The following BEST3 variants were observed in gnomAD, a reference collection of about 807,000 sequenced individuals.
BEST3 encodes bestrophin-3.
In BEST3, 50 loss-of-function variants were observed where a neutral mutation model predicts 47.1. That is an observed-to-expected ratio of 1.06 (90% confidence interval 0.85 to 1.34). The LOEUF is 1.34. Among genes scored for constraint, BEST3 ranks in the 40% most tolerant of loss-of-function variants. The pLI is 0.00. For missense variants in BEST3, 765 were observed against 817.0 expected (o/e 0.94, Z 0.78); for synonymous variants, 282 against 298.8 (o/e 0.94, Z 0.58).
intron 9 of BEST3, among the ~76,000 whole-genome samples, chr12:69,644,621 G>A (rs565826231): frequency 3.2e-4 from 49 of 152,266 alleles, no homozygotes; most frequent in African/African-American, 1.1e-3. Flanking sequence ...TATTAAATTT[G>A]TGAAGGGATT....
chr12:69,654,219 G>C lies in BEST3; in HGVS notation c.*688C>G, dbSNP rs1389089472. 2.0e-6 allele frequency: 2 copies of C among 984,924 alleles called. No homozygotes were observed. The highest frequency in any genetic ancestry group is 2.4e-6 in the Non-Finnish European group (2 of 829,696). 61.0% of individuals were successfully genotyped at this position (984,924 alleles called of 1,614,324 possible). ...GAGGAAATATTATAACCTGAAAAAT[G>C]GGACAGATTACTAGAAAAGCAGCAC... On this transcript the variant is annotated 3_prime_UTR_variant, in exon 10 of 10. Coordinates refer to ENST00000330891, the MANE Select transcript of BEST3 (RefSeq NM_032735.3).
intron 9 of BEST3, among the ~76,000 whole-genome samples, chr12:69,663,744 C>G (rs935593937): frequency 6.6e-6 from 1 of 152,098 alleles, no homozygotes; most frequent in Admixed American, 6.6e-5. Flanking sequence ...TCGCTTGAGC[C>G]TAGGAGTTCG....
intron 9 of BEST3, among the ~76,000 whole-genome samples, chr12:69,646,668 C>T (rs1883046802): frequency 2.0e-5 from 3 of 152,198 alleles, no homozygotes; most frequent in South Asian, 2.1e-4. Context: ...GGGCACATAG[C>T]CTCTGCATCA....
Position 69,655,440 on chromosome 12 carries a change from T to C in BEST3, c.1474A>G (p.Thr492Ala). ...ACCAGTGGCATTTTGATGGGGGAAG[T>C]TCTCACACTGGACTGTGGGGTCAGG... is the stretch of plus-strand genomic sequence containing the variant. The part of the protein sequence containing the change: ...QSLTPQSSVR[T>A]SPIKMPLVPE... Residue 492 changes from threonine (T) to alanine (A), a missense_variant, in exon 10 of 10, where the codon ACT becomes GCT. Coordinates refer to ENST00000330891, the MANE Select transcript of BEST3 (RefSeq NM_032735.3). The C allele has an allele frequency of 6.2e-7, 1 of 1,614,126 alleles. No individual in the cohort carries two copies. Among genetic ancestry groups the C allele is most frequent in the East Asian group, 2.2e-5 (1 of 44,876 alleles).
chr12:69,697,190 G>A (rs890222148), intron 2 of BEST3, among the ~76,000 whole-genome samples: 1 of 152,140 alleles, frequency 6.6e-6, no homozygotes, highest in Middle Eastern at 3.2e-3. Context: ...TTTCATTCCA[G>A]GCCAAAAGAA....
chr12:69,686,464 C>A (rs930793436), intron 4 of BEST3, among the ~76,000 whole-genome samples: 3 of 151,896 alleles, frequency 2.0e-5, no homozygotes, highest in Non-Finnish European at 2.9e-5. Context: ...GAAAACAGGA[C>A]CTTCAACAGA....
rs1180752358 is a variant in BEST3, at chr12:69,699,221, T to C, written c.-32A>G. The C allele has an allele frequency of 2.0e-6, 2 of 985,314 alleles. No individual in the cohort carries two copies. Among genetic ancestry groups the C allele is most frequent in the Non-Finnish European group, 1.2e-6 (1 of 829,912 alleles). The allele number at this position is 985,314 out of a possible 1,614,324, so 61.0% of individuals were successfully genotyped here. ...GGCACTAACCTATTTATTTGGTTTGTAGTCTCCGACAGGAAAGAGAATCTT... is the reference window on the plus strand; with the variant it reads ...GGCACTAACCTATTTATTTGGTTTGCAGTCTCCGACAGGAAAGAGAATCTT... On this transcript the variant is annotated 5_prime_UTR_variant, in exon 1 of 10. Transcript: ENST00000330891.
chr12:69,686,786 A>AAAAAAAAGAAAGAAAGAAAAGAAAAAAAG (rs371159662), intron 4 of BEST3, among the ~76,000 whole-genome samples: 1 of 143,282 alleles, frequency 7.0e-6, no homozygotes, highest in African/African-American at 2.6e-5. Context: ...AAACAAAAAA[A>AAAAAAAAGAAAGAAAGAAAAGAAAAAAAG]AAAGAAAGAA....
At position 69,654,789 on chromosome 12, in the gene BEST3, C is replaced by T. The variant is rs1280260700; in HGVS notation, c.*118G>A. On this transcript the variant is annotated 3_prime_UTR_variant, in exon 10 of 10. Transcript: ENST00000330891. ...CCTTCAAAGTTCTAAGTAGCTTATA[C>T]AGTGTGATCATGTTTTTTAAAAAGT... 1.9e-5 allele frequency: 28 copies of T among 1,458,720 alleles called. No homozygotes were observed. Among genetic ancestry groups the T allele is most frequent in the Non-Finnish European group, 2.4e-5 (26 of 1,104,764 alleles). The allele number at this position is 1,458,720 out of a possible 1,614,324, so 90.4% of individuals were successfully genotyped here. A position where few individuals can be genotyped will look rare whatever the true frequency, so the allele number is the denominator to read the frequency against.
intron 9 of BEST3, chr12:69,669,704 A>G (rs550214782): frequency 1.2e-4 from 19 of 152,312 alleles, no homozygotes; most frequent in African/African-American, 3.4e-4. Context: ...AATCTTCCCA[A>G]TGATCTTTTG....
chr12:69,666,832 C>T (rs1884253181), intron 9 of BEST3, among the ~76,000 whole-genome samples: 2 of 152,186 alleles, frequency 1.3e-5, no homozygotes, highest in Non-Finnish European at 2.9e-5. Flanking sequence ...CCCTTACACT[C>T]TCTCATCTTT....
chr12:69,681,938 G>A (rs111233078), intron 4 of BEST3, among the ~76,000 whole-genome samples: 60,951 of 151,680 alleles, frequency 0.4, 12,361 homozygotes, highest in South Asian at 0.54. Flanking sequence ...AAAATTAGCC[G>A]GGTGTAGTGG....
At chr12:69,668,440 T>C (rs1884361946) in intron 9 of BEST3, among the ~76,000 whole-genome samples, 1 of 152,202 alleles carries the variant, frequency 6.6e-6, no homozygotes, top group African/African-American at 2.4e-5. Flanking sequence ...AAGAGCTCAT[T>C]GGCTCAGTCA....
chr12:69,697,674 AG>A lies in BEST3; in HGVS notation c.124del (p.Leu42PhefsTer5), dbSNP rs767507891. The A allele has an allele frequency of 2.5e-6, 4 of 1,607,252 alleles. No homozygotes were observed. The highest frequency in any genetic ancestry group is 3.4e-4 in the Middle Eastern group (2 of 5,824). ...LYREFIVFAV[L>X]YTAISLVYRL... ...GTATACCAAACTTATTGCTGTATAA[AG>A]AACAGCAAAAACAATAAATTCCCTG... On this transcript the variant is annotated frameshift_variant, in exon 2 of 10. Transcript: ENST00000330891. LOFTEE classifies it high-confidence loss of function.
intron 9 of BEST3, among the ~76,000 whole-genome samples, chr12:69,645,892 AG>A (rs1414121094): frequency 2.6e-5 from 4 of 152,022 alleles, no homozygotes; most frequent in Non-Finnish European, 5.9e-5. Flanking sequence ...TTCCTCCTCC[AG>A]GTATAGAATC....
intron 9 of BEST3, among the ~76,000 whole-genome samples, chr12:69,663,265 G>C (rs1883976405): frequency 6.6e-6 from 1 of 152,158 alleles, no homozygotes; most frequent in Non-Finnish European, 1.5e-5. Context: ...GGATAGTTCT[G>C]GACCTTGATT....
Position 69,644,131 on chromosome 12 carries a change from TAG to T in BEST3, c.1101-346_1101-345del, listed in dbSNP as rs547874386. Among the ~76,000 whole-genome samples, 8 of 152,322 alleles carry T rather than the reference TAG, an allele frequency of 5.3e-5. No homozygotes were observed. The South Asian group carries it at 8.3e-4, about 16-fold the overall frequency. On this transcript the variant is annotated intron_variant, in intron 9 of 9. Coordinates refer to the BEST3 transcript ENST00000331471. ...GGTACAACTGTAGGGAATGTATTTATAGAGAAATAAGCTCTAGGGTTGGGCTA... is the reference window on the plus strand; with the variant it reads ...GGTACAACTGTAGGGAATGTATTTATAGAAATAAGCTCTAGGGTTGGGCTA...
chr12:69,655,033 G>A lies in BEST3; in HGVS notation c.1881C>T (p.Ile627=). 1 of 1,614,172 alleles carries A rather than the reference G, an allele frequency of 6.2e-7. No homozygotes were observed. The highest frequency in any genetic ancestry group is 8.5e-7 in the Non-Finnish European group (1 of 1,180,030). ...AGCCAGCCACAATGTTGATCCCACT[G>A]ATCTCTGAGGATGTTTCTGTGTCAA... ...LLIDTETSSE[I]SGINIVAGSR... Residue 627 remains isoleucine, a synonymous_variant, in exon 10 of 10, where the codon ATC becomes ATT. Coordinates refer to ENST00000330891, the MANE Select transcript of BEST3 (RefSeq NM_032735.3).
chr12:69,696,917 TAA>T (rs1886151890), intron 2 of BEST3, among the ~76,000 whole-genome samples: 1 of 152,220 alleles, frequency 6.6e-6, no homozygotes, highest in South Asian at 2.1e-4. Context: ...TAAAATCTCA[TAA>T]GTCTTCCCTT....
Sources: gnomAD v4.1 joint callset for allele counts (sites outside exome capture counted in the v4.1 genomes callset) on GRCh38, gnomAD v4.1.1 for gene constraint, MANE v1.5 for transcripts, NCBI Gene and HGNC (gene_info 2026-07-23, HGNC 2026-07-21) for gene names.